PDZRN3: variants seen among roughly 807,000 people sequenced by gnomAD.
PDZRN3 encodes PDZ domain containing ring finger 3.
Under a neutral mutation model 85.7 loss-of-function variants are expected in PDZRN3, and 38 were observed. The observed-to-expected ratio is 0.44, with a 90% CI of 0.34 to 0.58. The LOEUF (loss-of-function observed/expected upper bound fraction) is 0.58, where lower values mean the gene tolerates loss of function less well. PDZRN3 is among the 20% of genes least tolerant of loss of function. The pLI is 0.01. For missense variants in PDZRN3, 1,629 were observed against 1,506.4 expected (o/e 1.08, Z -1.35); for synonymous variants, 759 against 638.0 (o/e 1.19, Z -2.86).
intron 5 of PDZRN3, among the ~76,000 whole-genome samples, chr3:73,391,560 C>T (rs1467877992): frequency 6.6e-6 from 1 of 152,178 alleles, no homozygotes; most frequent in Non-Finnish European, 1.5e-5. Flanking sequence ...AACTTGCAAA[C>T]AGATTACACA....
rs1012280626 is a variant in PDZRN3, at chr3:73,562,077, T to C, written c.918+40277A>G. Among the ~76,000 whole-genome samples, 7 of 152,338 alleles carry C rather than the reference T, an allele frequency of 4.6e-5. No individual in the cohort carries two copies. In the East Asian group the frequency reaches 1.3e-3, roughly 29 times the overall value. On this transcript the variant is annotated intron_variant, in intron 3 of 9. Coordinates refer to ENST00000263666, the MANE Select transcript of PDZRN3 (RefSeq NM_015009.3). ...GTCAAAAACCATCTTTTGATCTGGT[T>C]TGATTTACAGTTTCTAAAACAGAAT...
chr3:73,504,468 T>C (rs1704036239), intron 3 of PDZRN3, among the ~76,000 whole-genome samples: 1 of 152,162 alleles, frequency 6.6e-6, no homozygotes, highest in Admixed American at 6.5e-5. Context: ...ATGACAACCT[T>C]CCTGGTTCCA....
chr3:73,397,730 A>G (rs1012861058), intron 5 of PDZRN3, among the ~76,000 whole-genome samples: 2 of 152,228 alleles, frequency 1.3e-5, no homozygotes, highest in African/African-American at 2.4e-5. Flanking sequence ...ACTGAGGACG[A>G]CATCTGTCCA....
chr3:73,534,607 T>C (rs753013247), intron 3 of PDZRN3, among the ~76,000 whole-genome samples: 1 of 152,194 alleles, frequency 6.6e-6, no homozygotes, highest in South Asian at 2.1e-4. Context: ...CAGAAAACCA[T>C]GGGTCAAGAT....
At position 73,624,758 on chromosome 3, in the gene PDZRN3, T is replaced by C; in HGVS notation, c.68A>G (p.Lys23Arg). 6.7e-7 allele frequency: 1 copy of C among 1,495,504 alleles called. No homozygotes were observed. Among genetic ancestry groups the C allele is most frequent in the Non-Finnish European group, 8.9e-7 (1 of 1,129,850 alleles). 92.6% of individuals were successfully genotyped at this position (1,495,504 alleles called of 1,614,324 possible). A position where few individuals can be genotyped will look rare whatever the true frequency, so the allele number is the denominator to read the frequency against. Residue 23 changes from lysine to arginine, a missense_variant, in exon 1 of 10, where the codon AAG becomes AGG. Physicochemically the swap from Lys to Arg is conservative, Grantham distance 26. Coordinates refer to ENST00000263666, the MANE Select transcript of PDZRN3 (RefSeq NM_015009.3). ...CGTGGTCAGCGGGTCCTCCAGGACC[T>C]TGTGGCACAGCGCGCACTTCAGGTC... ...DPDLKCALCH[K>R]VLEDPLTTPC...
chr3:73,543,978 G>A (rs1285569205), intron 3 of PDZRN3, among the ~76,000 whole-genome samples: 1 of 152,194 alleles, frequency 6.6e-6, no homozygotes, highest in Admixed American at 6.5e-5. Context: ...GCGCTCTGCC[G>A]AAGGAGGCAG....
chr3:73,481,154 T>C (rs973498219), intron 3 of PDZRN3, among the ~76,000 whole-genome samples: 3 of 152,182 alleles, frequency 2.0e-5, no homozygotes, highest in Non-Finnish European at 2.9e-5. Context: ...TCTCTAATGA[T>C]TCCTACATGG....
In PDZRN3 at chr3:73,435,076, A is replaced by C. The variant is rs1326830599; in HGVS notation, c.919-30681T>G. ...TTAACTGTCTCCGGGGAGGACTCCC[A>C]CGTCCCTTGCTGAGACGTGCCATGG... is the stretch of plus-strand genomic sequence containing the variant. On this transcript the variant is annotated intron_variant, in intron 3 of 9. Coordinates refer to ENST00000263666, the MANE Select transcript of PDZRN3 (RefSeq NM_015009.3). 3.9e-5 allele frequency among the ~76,000 whole-genome samples: 6 copies of C among 152,330 alleles called. No homozygotes were observed. The East Asian group carries it at 1.2e-3, about 29-fold the overall frequency.
At chr3:73,559,964 G>T (rs1193053913) in intron 3 of PDZRN3, among the ~76,000 whole-genome samples, 4 of 152,182 alleles carry the variant, frequency 2.6e-5, no homozygotes, top group African/African-American at 9.6e-5. Context: ...ACTATTTTCT[G>T]TCAAGGGCGG....
intron 3 of PDZRN3, among the ~76,000 whole-genome samples, chr3:73,506,021 C>A (rs1002983144): frequency 5.3e-5 from 8 of 152,090 alleles, no homozygotes; most frequent in Non-Finnish European, 1.0e-4. Context: ...CAGGTACGGG[C>A]AGGTAGAGAG....
intron 3 of PDZRN3, among the ~76,000 whole-genome samples, chr3:73,542,740 C>T (rs1037309368): frequency 7.2e-5 from 11 of 152,024 alleles, no homozygotes; most frequent in East Asian, 1.9e-4. Flanking sequence ...CACCATTGCA[C>T]TCCAGCCTGG....
chr3:73,480,011 T>A (rs1242434291), intron 3 of PDZRN3, among the ~76,000 whole-genome samples: 1 of 152,190 alleles, frequency 6.6e-6, no homozygotes, highest in Non-Finnish European at 1.5e-5. Flanking sequence ...TTGTTTGTAA[T>A]GTGATTTTAC....
intron 3 of PDZRN3, among the ~76,000 whole-genome samples, chr3:73,427,110 C>T (rs1702331793): frequency 6.6e-6 from 1 of 152,096 alleles, no homozygotes; most frequent in Non-Finnish European, 1.5e-5. Flanking sequence ...GGATCCTTTC[C>T]CTGAAGTTCA....
At chr3:73,534,628 T>A (rs1299162940) in intron 3 of PDZRN3, among the ~76,000 whole-genome samples, 1 of 151,920 alleles carries the variant, frequency 6.6e-6, no homozygotes, top group Non-Finnish European at 1.5e-5. Flanking sequence ...TTACAAGGAG[T>A]CTGTGGGCCA....
chr3:73,501,391 T>C (rs1233916477), intron 3 of PDZRN3, among the ~76,000 whole-genome samples: 1 of 152,152 alleles, frequency 6.6e-6, no homozygotes, highest in Non-Finnish European at 1.5e-5. Flanking sequence ...ATAGATTCTG[T>C]GGAATCTGTC....
intron 7 of PDZRN3, 64 bp downstream of exon 7, chr3:73,389,752 T>C: frequency 8.5e-7 from 1 of 1,176,634 alleles, no homozygotes; most frequent in South Asian, 1.2e-5. Flanking sequence ...AGACCTATCA[T>C]TAGAACCAGT....
In PDZRN3 at chr3:73,383,881, G is replaced by A. The variant is rs1348262522; in HGVS notation, c.2685C>T (p.Tyr895=). ...QLIQQKSAVE[Y]AQSQMSLVSM... The stretch of plus-strand genomic sequence containing the variant: ...TCACCAGGCTCATCTGGCTTTGCGC[G>A]TACTCCACGGCCGACTTCTGCTGGA... The change falls in exon 10 of 10, where the codon TAC becomes TAT. Residue 895 remains tyrosine, a synonymous_variant. Coordinates refer to ENST00000263666, the MANE Select transcript of PDZRN3 (RefSeq NM_015009.3). The A allele has an allele frequency of 3.1e-6, 5 of 1,613,486 alleles. No individual in the cohort carries two copies. The highest frequency in any genetic ancestry group is 2.2e-5 in the East Asian group (1 of 44,840).
chr3:73,483,769 TC>T (rs1703611756), intron 3 of PDZRN3, among the ~76,000 whole-genome samples: 1 of 152,090 alleles, frequency 6.6e-6, no homozygotes, highest in African/African-American at 2.4e-5. Context: ...AGCAGAACAT[TC>T]CCAGATGTAT....
intron 3 of PDZRN3, among the ~76,000 whole-genome samples, chr3:73,416,225 G>T (rs527266597): frequency 6.6e-6 from 1 of 152,172 alleles, no homozygotes; most frequent in South Asian, 2.1e-4. Context: ...CTTGCCTAAG[G>T]GTTATTAGCT....
Sources: allele counts gnomAD v4.1 joint callset (sites outside exome capture counted in the v4.1 genomes callset), GRCh38; gene constraint gnomAD v4.1.1; transcripts MANE v1.5; gene names NCBI Gene and HGNC (gene_info 2026-07-23, HGNC 2026-07-21).